NCAPH: variants seen among roughly 807,000 people sequenced by gnomAD.
NCAPH encodes non-SMC condensin I complex subunit H.
Under a neutral mutation model 85.5 loss-of-function variants are expected in NCAPH, and 38 were observed. The ratio of observed to expected loss-of-function variants is 0.44; its 90% CI spans 0.34 to 0.58. The LOEUF (loss-of-function observed/expected upper bound fraction) is 0.58, where lower values mean the gene tolerates loss of function less well. NCAPH is among the 20% of genes least tolerant of loss of function. The pLI is 0.01. For synonymous variants in NCAPH, 301 were observed against 335.1 expected (o/e 0.90, Z 1.11); for missense variants, 789 against 916.6 (o/e 0.86, Z 1.80).
intron 1 of NCAPH, among the ~76,000 whole-genome samples, chr2:96,336,292 TCC>T (rs2064213853): frequency 6.6e-6 from 1 of 152,220 alleles, no homozygotes; most frequent in African/African-American, 2.4e-5. Flanking sequence ...TACTGAGCTC[TCC>T]CGTTGGGCGA....
At chr2:96,366,191 T>G in intron 14 of NCAPH, 133 bp downstream of exon 14, 1 of 1,039,612 alleles carries the variant, frequency 9.6e-7, no homozygotes, top group East Asian at 2.7e-5. Context: ...AAGTTTTAAA[T>G]AGGGTTGTGG....
At chr2:96,364,952 A>G (rs2064674691) in intron 13 of NCAPH, among the ~76,000 whole-genome samples, 1 of 152,182 alleles carries the variant, frequency 6.6e-6, no homozygotes, top group Non-Finnish European at 1.5e-5. Flanking sequence ...TATTTTGGCC[A>G]GGTAGACAAC....
intron 12 of NCAPH, among the ~76,000 whole-genome samples, chr2:96,362,141 A>G (rs1407369341): frequency 1.3e-5 from 2 of 151,584 alleles, no homozygotes; most frequent in Admixed American, 6.6e-5. Flanking sequence ...AGTCCTAGCT[A>G]CTTGGGGGCC....
At chr2:96,341,501 T>TTC in intron 1 of NCAPH, 141 bp from the exon 2 acceptor site, 1 of 1,155,312 alleles carries the variant, frequency 8.7e-7, no homozygotes, top group Non-Finnish European at 1.2e-6. Flanking sequence ...ACTCTAGAGG[T>TTC]TCTAGCCATT....
chr2:96,336,463 C>T (rs992435799), intron 1 of NCAPH, among the ~76,000 whole-genome samples: 1 of 152,140 alleles, frequency 6.6e-6, no homozygotes, highest in African/African-American at 2.4e-5. Context: ...TACTAGGGAA[C>T]GTGTTTCAGG....
intron 17 of NCAPH, among the ~76,000 whole-genome samples, chr2:96,370,816 A>C (rs2064762741): frequency 1.3e-5 from 2 of 152,212 alleles, no homozygotes; most frequent in South Asian, 4.1e-4. Context: ...CCTAAGTTGA[A>C]GAGCCCAGTG....
chr2:96,342,917 A>G, intron 4 of NCAPH, 69 bp downstream of exon 4: 1 of 1,384,012 alleles, frequency 7.2e-7, no homozygotes, highest in South Asian at 1.2e-5. Context: ...TTGGCATAAC[A>G]CAGTTGAATG....
At chr2:96,353,022 G>A (rs144222743) in intron 7 of NCAPH, among the ~76,000 whole-genome samples, 123 of 152,348 alleles carry the variant, frequency 8.1e-4, no homozygotes, top group Non-Finnish European at 1.5e-3. Flanking sequence ...AGAATCGAAT[G>A]TCTGTGCTTT....
chr2:96,341,901 T>C lies in NCAPH; in HGVS notation c.272+7T>C. On this transcript the variant is annotated splice_region_variant and intron_variant, in intron 2 of 17. Coordinates refer to ENST00000240423, the MANE Select transcript of NCAPH (RefSeq NM_015341.5). ...TGGCCTCCCCCTCCAGCAGGTGAGG[T>C]GCTCCTGGGCTGTTTCTCCTTGAGG... The C allele has an allele frequency of 6.2e-7, 1 of 1,607,682 alleles. No homozygotes were observed. The highest frequency in any genetic ancestry group is 8.5e-7 in the Non-Finnish European group (1 of 1,177,960).
chr2:96,356,362 G>A (rs903929233), intron 9 of NCAPH, among the ~76,000 whole-genome samples: 6 of 152,140 alleles, frequency 3.9e-5, no homozygotes, highest in African/African-American at 7.2e-5. Flanking sequence ...CACCTTTTGC[G>A]GTCTTTGTTT....
At chr2:96,340,320 C>T (rs1268204277) in intron 1 of NCAPH, among the ~76,000 whole-genome samples, 1 of 151,854 alleles carries the variant, frequency 6.6e-6, no homozygotes, top group Non-Finnish European at 1.5e-5. Context: ...GGAACTTTCC[C>T]TAAATTCTGG....
intron 14 of NCAPH, 21 bp downstream of exon 14, chr2:96,366,079 A>G: frequency 6.2e-7 from 1 of 1,610,714 alleles, no homozygotes; most frequent in South Asian, 1.1e-5. Context: ...AACAGCTGAG[A>G]ATTACATTGT....
chr2:96,359,275 G>A, intron 10 of NCAPH, 82 bp downstream of exon 10: 2 of 1,508,674 alleles, frequency 1.3e-6, no homozygotes, highest in South Asian at 1.2e-5. Context: ...GAAAAGAAAT[G>A]CCAGTCACAG....
At chr2:96,345,922 A>G (rs2064355583) in intron 6 of NCAPH, among the ~76,000 whole-genome samples, 2 of 152,318 alleles carry the variant, frequency 1.3e-5, no homozygotes, top group African/African-American at 4.8e-5. Context: ...GTTGTTTTGA[A>G]GAGTTTTGCT....
Position 96,354,201 on chromosome 2 carries a change from G to A in NCAPH, c.1021G>A (p.Asp341Asn). 1 of 1,614,084 alleles carries A rather than the reference G, an allele frequency of 6.2e-7. No individual in the cohort carries two copies. Among genetic ancestry groups the A allele is most frequent in the Non-Finnish European group, 8.5e-7 (1 of 1,179,990 alleles). ...CCTCCAGTCTGTGTCGGCCCTGGTAGACAAGTTTAAGAAGAATGACCAGGT... is the reference window on the plus strand; with the variant it reads ...CCTCCAGTCTGTGTCGGCCCTGGTAAACAAGTTTAAGAAGAATGACCAGGT... ...THNESVSALV[D>N]KFKKNDQVFD... is the part of the protein sequence containing the mutation. Residue 341 changes from aspartate (D) to asparagine (N), a missense_variant, in exon 9 of 18, where the codon GAC becomes AAC. By Grantham distance (23) the Asp-to-Asn change is conservative. Transcript: ENST00000240423.
intron 6 of NCAPH, among the ~76,000 whole-genome samples, chr2:96,346,110 G>A (rs900131697): frequency 1.3e-5 from 2 of 152,124 alleles, no homozygotes; most frequent in Non-Finnish European, 2.9e-5. Flanking sequence ...ATGTCCTTGC[G>A]CAGGTGAGAG....
At chr2:96,359,690 T>A (rs1378605020) in intron 10 of NCAPH, among the ~76,000 whole-genome samples, 1 of 152,254 alleles carries the variant, frequency 6.6e-6, no homozygotes, top group Admixed American at 6.5e-5. Context: ...CAGTGGTGAA[T>A]CATGGCTTAC....
chr2:96,342,359 G>T (rs2064307664), intron 3 of NCAPH, among the ~76,000 whole-genome samples: 1 of 152,222 alleles, frequency 6.6e-6, no homozygotes, highest in African/African-American at 2.4e-5. Flanking sequence ...TGGCGCATGA[G>T]TTAATAGTAG....
Position 96,375,051 on chromosome 2 carries a change from T to C in NCAPH, c.*1700T>C, listed in dbSNP as rs1340397071. On this transcript the variant is annotated 3_prime_UTR_variant, in exon 18 of 18. Coordinates refer to ENST00000240423, the MANE Select transcript of NCAPH (RefSeq NM_015341.5). ...TAGAACCCCATCTTTAAAAAAAAAGTTTAAAAATTAGCCAGGTACGGAGGT... is the reference window on the plus strand; with the variant it reads ...TAGAACCCCATCTTTAAAAAAAAAGCTTAAAAATTAGCCAGGTACGGAGGT... Among the ~76,000 whole-genome samples the C allele has an allele frequency of 6.6e-6, 1 of 151,348 alleles. No homozygotes were observed. Among genetic ancestry groups the C allele is most frequent in the East Asian group, 1.9e-4 (1 of 5,170 alleles).
Sources: gnomAD v4.1 joint callset for allele counts (sites outside exome capture counted in the v4.1 genomes callset) on GRCh38, gnomAD v4.1.1 for gene constraint, MANE v1.5 for transcripts, NCBI Gene and HGNC (gene_info 2026-07-23, HGNC 2026-07-21) for gene names.